Variants in NREP observed in about 807,000 individuals in gnomAD.
The protein encoded by NREP is neuronal regeneration-related protein.
A neutral mutation model predicts 8.6 loss-of-function variants in NREP; 5 were observed. That is an observed-to-expected ratio of 0.58 (90% CI 0.30 to 1.22). The LOEUF is 1.22. Among genes scored for constraint, NREP ranks in the 50% most tolerant of loss-of-function variants. The pLI, the probability that NREP is intolerant of heterozygous loss-of-function variation, is 0.07. For missense variants in NREP, 86 were observed against 82.5 expected, an observed-to-expected ratio of 1.04 and a Z score of -0.17; for synonymous variants, 27 against 28.0, an observed-to-expected ratio of 0.96 and a Z score of 0.11.
intron 2 of NREP, among the ~76,000 whole-genome samples, chr5:111,835,261 A>G (rs1201770892): frequency 6.6e-6 from 1 of 152,162 alleles, no homozygotes; most frequent in African/African-American, 2.4e-5. Flanking sequence ...TGCAGTAGCT[A>G]TAAAATAATT....
At chr5:111,777,944 G>A (rs1480425718) in intron 2 of NREP, among the ~76,000 whole-genome samples, 2 of 152,210 alleles carry the variant, frequency 1.3e-5, no homozygotes, top group Non-Finnish European at 2.9e-5. Context: ...GGGTATGGGA[G>A]GTCCAGGAAT....
intron 2 of NREP, among the ~76,000 whole-genome samples, chr5:111,769,247 T>C (rs1195185663): frequency 6.6e-6 from 1 of 152,228 alleles, no homozygotes; most frequent in East Asian, 1.9e-4. Flanking sequence ...AGCATCCACT[T>C]GCTATTTGCA....
chr5:111,881,814 A>T (rs1754082158), intron 2 of NREP, among the ~76,000 whole-genome samples: 1 of 152,166 alleles, frequency 6.6e-6, no homozygotes, highest in South Asian at 2.1e-4. Flanking sequence ...GGACATCCAC[A>T]CCAAAAACCC....
At chr5:111,790,347 C>CTTTTTTTTTTTTTTTTTTTTTTTT (rs57775701) in intron 2 of NREP, among the ~76,000 whole-genome samples, 2 of 59,642 alleles carry the variant, frequency 3.4e-5, no homozygotes, top group African/African-American at 6.9e-5. Flanking sequence ...AAAACCTTAA[C>CTTTTTTTTTTTTTTTTTTTTTTTT]TTTTTTTTTT....
intron 2 of NREP, among the ~76,000 whole-genome samples, chr5:111,782,098 C>T (rs549453733): frequency 6.6e-6 from 1 of 152,192 alleles, no homozygotes; most frequent in South Asian, 2.1e-4. Context: ...TAATAATATG[C>T]TTAGCATAGC....
At chr5:111,761,844 G>A (rs1174908812), upstream of NREP, among the ~76,000 whole-genome samples, 1 of 152,166 alleles carries the variant, frequency 6.6e-6, no homozygotes, top group Non-Finnish European at 1.5e-5. Context: ...CAACCAATCA[G>A]ACCGAAGGGA....
intron 2 of NREP, among the ~76,000 whole-genome samples, chr5:111,877,634 C>T (rs949555047): frequency 2.0e-5 from 3 of 152,216 alleles, no homozygotes; most frequent in African/African-American, 7.2e-5. Context: ...TTACAAAACT[C>T]AGCCTTAAAG....
intron 2 of NREP, among the ~76,000 whole-genome samples, chr5:111,935,035 A>G (rs1350543341): frequency 1.3e-5 from 2 of 152,118 alleles, no homozygotes; most frequent in Non-Finnish European, 2.9e-5. Context: ...GGAAAGAAAT[A>G]GTACTTTTGT....
chr5:111,884,240 C>G (rs1352097149), intron 2 of NREP, among the ~76,000 whole-genome samples: 1 of 151,278 alleles, frequency 6.6e-6, no homozygotes, highest in Admixed American at 6.6e-5. Context: ...TGGATAAATT[C>G]CTCGACACAT....
intron 2 of NREP, among the ~76,000 whole-genome samples, chr5:111,854,944 A>G (rs908011049): frequency 1.1e-4 from 17 of 152,136 alleles, no homozygotes; most frequent in African/African-American, 3.4e-4. Context: ...GCTATGTACT[A>G]TTCCATAGTA....
intron 2 of NREP, among the ~76,000 whole-genome samples, chr5:111,842,966 C>T (rs1753067528): frequency 6.6e-6 from 1 of 152,094 alleles, no homozygotes; most frequent in East Asian, 1.9e-4. Context: ...TTGCTTTTCT[C>T]TCGCTAAAAT....
At chr5:111,891,089 C>A (rs1158323532) in intron 2 of NREP, among the ~76,000 whole-genome samples, 2 of 152,176 alleles carry the variant, frequency 1.3e-5, no homozygotes, top group South Asian at 2.1e-4. Context: ...AACTTTAGGT[C>A]ATTTCTTTGC....
At chr5:111,931,413 C>T (rs1004627422) in intron 2 of NREP, among the ~76,000 whole-genome samples, 7 of 152,046 alleles carry the variant, frequency 4.6e-5, no homozygotes, top group Admixed American at 2.6e-4. Flanking sequence ...CAACCTAAGG[C>T]GAGGCCCACA....
chr5:111,761,338 T>G (rs1750955959), upstream of NREP, among the ~76,000 whole-genome samples: 1 of 152,340 alleles, frequency 6.6e-6, no homozygotes, highest in East Asian at 1.9e-4. Context: ...AGTTACACTG[T>G]TGCACAACCC....
At chr5:111,835,070 T>C (rs1036794699) in intron 2 of NREP, among the ~76,000 whole-genome samples, 1 of 152,138 alleles carries the variant, frequency 6.6e-6, no homozygotes. Context: ...TATTTGCTGC[T>C]CTCACCACAC....
intron 2 of NREP, among the ~76,000 whole-genome samples, chr5:111,808,055 T>C (rs1189958419): frequency 6.6e-6 from 1 of 152,234 alleles, no homozygotes; most frequent in Non-Finnish European, 1.5e-5. Flanking sequence ...AATAGTTCTG[T>C]AGTCTTTTGC....
chr5:111,890,486 G>A (rs1033977810), intron 2 of NREP, among the ~76,000 whole-genome samples: 1 of 152,194 alleles, frequency 6.6e-6, no homozygotes, highest in African/African-American at 2.4e-5. Context: ...GACTCTGTGT[G>A]TGGCCTACAA....
intron 2 of NREP, 82 bp downstream of exon 2, chr5:111,755,688 C>A: frequency 6.9e-7 from 1 of 1,456,866 alleles, no homozygotes; most frequent in Non-Finnish European, 9.6e-7. Flanking sequence ...AGGGTTGAGG[C>A]GGATGAAGAT....
At chr5:111,824,186 C>T (rs1158120748) in intron 2 of NREP, among the ~76,000 whole-genome samples, 1 of 151,972 alleles carries the variant, frequency 6.6e-6, no homozygotes, top group Non-Finnish European at 1.5e-5. Flanking sequence ...CTGGCTAACA[C>T]GGTGAAACCC....
Sources: gnomAD v4.1 joint callset for allele counts (sites outside exome capture counted in the v4.1 genomes callset) on GRCh38, gnomAD v4.1.1 for gene constraint, MANE v1.5 for transcripts, NCBI Gene and HGNC (gene_info 2026-07-23, HGNC 2026-07-21) for gene names.